Variants in NUDT4 observed in about 807,000 individuals in gnomAD.
The protein encoded by NUDT4 is nudix hydrolase 4, also known as diphosphoinositol polyphosphate phosphohydrolase 2.
In NUDT4, 5 loss-of-function variants were observed where a neutral mutation model predicts 23.1. That is an observed-to-expected ratio of 0.22 (90% CI 0.11 to 0.46). The LOEUF is 0.46. Ranked by LOEUF, NUDT4 falls within the 20% of genes least tolerant of loss-of-function variation. The probability of loss-of-function intolerance (pLI) is 0.99; values close to 1 mark genes in which losing one functional copy is unlikely to be tolerated. For missense variants in NUDT4, 96 were observed against 211.6 expected (o/e 0.45, Z 3.39); for synonymous variants, 50 against 79.0 (o/e 0.63, Z 1.95).
intron 1 of NUDT4, among the ~76,000 whole-genome samples, chr12:93,387,113 G>T (rs1057003950): frequency 6.6e-6 from 1 of 151,870 alleles, no homozygotes; most frequent in Admixed American, 6.6e-5. Flanking sequence ...TATGTTTTTG[G>T]TAGAGATGAG....
intron 1 of NUDT4, among the ~76,000 whole-genome samples, chr12:93,390,366 A>T (rs555900024): frequency 9.8e-5 from 15 of 152,300 alleles, no homozygotes; most frequent in Admixed American, 9.2e-4. Context: ...ATTTTTATTT[A>T]ACTTAAAAAC....
chr12:93,402,399 C>T lies in NUDT4; in HGVS notation c.*3020C>T, dbSNP rs915220913. ...GAAATGTATAAACACCCAGCGGAAA[C>T]GTATACCTTTCAGTGCATAGTGCAT... is the stretch of plus-strand genomic sequence containing the variant. On this transcript the variant is annotated 3_prime_UTR_variant, in exon 5 of 5. Coordinates refer to ENST00000415493, the MANE Select transcript of NUDT4 (RefSeq NM_019094.6). 6.6e-6 allele frequency: 1 copy of T among 152,198 alleles called. No individual in the cohort carries two copies. The highest frequency in any genetic ancestry group is 2.1e-4 in the South Asian group (1 of 4,824). The allele number at this position is 152,198 out of a possible 1,614,324, so 9.4% of individuals were successfully genotyped here.
rs772258463 is a variant in NUDT4 at position 93,399,384 on chromosome 12, A to T, written c.*5A>T. ...TTGCCATCTAGTGTAAGATAGAGAG[A>T]ACTGGGTAGGCCTCTCCCACCATGT... is the stretch of plus-strand genomic sequence containing the variant. On this transcript the variant is annotated 3_prime_UTR_variant, in exon 5 of 5. Transcript: ENST00000415493. 1.3e-5 allele frequency: 9 copies of T among 679,658 alleles called. No homozygotes were observed. In the South Asian group the frequency reaches 1.6e-4, roughly 12 times the overall value. 42.1% of individuals were successfully genotyped at this position (679,658 alleles called of 1,614,324 possible).
At chr12:93,386,977 A>G (rs1399189675) in intron 1 of NUDT4, among the ~76,000 whole-genome samples, 2 of 152,166 alleles carry the variant, frequency 1.3e-5, no homozygotes, top group Non-Finnish European at 2.9e-5. Context: ...TGTGTTGCCC[A>G]GGCTGGAATG....
rs1415992233 is a variant in NUDT4 at position 93,381,039 on chromosome 12, TC to T, written c.99+2619del. On this transcript the variant is annotated intron_variant, in intron 1 of 4. Coordinates refer to ENST00000415493, the MANE Select transcript of NUDT4 (RefSeq NM_019094.6). ...CCTGTACTGAAGTTCTCAGTAAGTT[TC>T]TACTTTAAAACAGATTGTTCTAGGA... 5 of 152,246 alleles carry T rather than the reference TC, an allele frequency of 3.3e-5. No homozygotes were observed. The East Asian group carries it at 9.6e-4, about 29-fold the overall frequency. The allele number at this position is 152,246 out of a possible 1,614,324, so 9.4% of individuals were successfully genotyped here.
chr12:93,378,573 C>T (rs1004027346), intron 1 of NUDT4, 152 bp downstream of exon 1: 1 of 1,301,246 alleles, frequency 7.7e-7, no homozygotes, highest in Non-Finnish European at 9.8e-7. Flanking sequence ...CTCCTTTCCT[C>T]CCTCACTTCT....
intron 3 of NUDT4, among the ~76,000 whole-genome samples, chr12:93,395,918 A>G (rs566084399): frequency 6.6e-6 from 1 of 152,194 alleles, no homozygotes; most frequent in Admixed American, 6.5e-5. Context: ...ATGGGGTTTC[A>G]CCATGTTGGC....
At chr12:93,387,183 C>T (rs1383885248) in intron 1 of NUDT4, among the ~76,000 whole-genome samples, 2 of 152,124 alleles carry the variant, frequency 1.3e-5, no homozygotes, top group Admixed American at 6.5e-5. Context: ...CCTCCTGCCT[C>T]GGCCTCCCAA....
chr12:93,394,530 C>T (rs1187641106), intron 1 of NUDT4, 79 bp from the exon 2 acceptor site: 2 of 783,022 alleles, frequency 2.6e-6, no homozygotes, highest in Non-Finnish European at 4.3e-6. Flanking sequence ...GAGTTATAAC[C>T]TTGCAGAGGT....
chr12:93,399,566 A>T lies in NUDT4; in HGVS notation c.*187A>T. ...TAAAAAAATAGTGTAAAATATTTTA[A>T]TAAGCCAAAGCCATGTGGAATTTTT... On this transcript the variant is annotated 3_prime_UTR_variant, in exon 5 of 5. Transcript: ENST00000415493. 6.1e-6 allele frequency: 2 copies of T among 325,734 alleles called. No individual in the cohort carries two copies. The highest frequency in any genetic ancestry group is 1.1e-5 in the Non-Finnish European group (2 of 183,022). The allele number at this position is 325,734 out of a possible 1,614,324, so 20.2% of individuals were successfully genotyped here. A position where few individuals can be genotyped will look rare whatever the true frequency, so the allele number is the denominator to read the frequency against.
chr12:93,384,721 A>G (rs1327985545), intron 1 of NUDT4, among the ~76,000 whole-genome samples: 8 of 152,174 alleles, frequency 5.3e-5, no homozygotes, highest in South Asian at 2.1e-4. Flanking sequence ...CTTTTATCCA[A>G]TAAGATTTAG....
chr12:93,395,607 G>C, intron 3 of NUDT4, 74 bp downstream of exon 3: 1 of 1,159,456 alleles, frequency 8.6e-7, no homozygotes, highest in Non-Finnish European at 1.3e-6. Context: ...AAATAATGTG[G>C]CAGCAGCCTG....
chr12:93,388,065 C>T (rs1427500639), intron 1 of NUDT4, among the ~76,000 whole-genome samples: 2 of 152,156 alleles, frequency 1.3e-5, no homozygotes, highest in Non-Finnish European at 2.9e-5. Context: ...TCAAATCTGT[C>T]ACCATGACAT....
intron 1 of NUDT4, 66 bp from the exon 2 acceptor site, chr12:93,394,543 G>A (rs1876792220): frequency 1.7e-5 from 15 of 885,358 alleles, no homozygotes; most frequent in Non-Finnish European, 2.7e-5. Flanking sequence ...GCAGAGGTTT[G>A]AGAATGTTGT....
intron 1 of NUDT4, among the ~76,000 whole-genome samples, chr12:93,379,509 C>G (rs1875482219): frequency 6.6e-6 from 1 of 152,226 alleles, no homozygotes; most frequent in Admixed American, 6.5e-5. Flanking sequence ...ACAGAATACA[C>G]TCAGTGGCTT....
chr12:93,384,589 T>G (rs888094559), intron 1 of NUDT4, among the ~76,000 whole-genome samples: 1 of 152,112 alleles, frequency 6.6e-6, no homozygotes, highest in Non-Finnish European at 1.5e-5. Flanking sequence ...CAAAAATATT[T>G]TATAATATTT....
intron 3 of NUDT4, 145 bp downstream of exon 3, chr12:93,395,678 A>G: frequency 3.6e-6 from 2 of 552,948 alleles, no homozygotes; most frequent in Non-Finnish European, 6.5e-6. Flanking sequence ...TAGGGAGGGA[A>G]GTAAAAGCCA....
At chr12:93,385,968 T>TATATATATAC (rs1555193197) in intron 1 of NUDT4, among the ~76,000 whole-genome samples, 8 of 133,614 alleles carry the variant, frequency 6.0e-5, no homozygotes, top group African/African-American at 1.4e-4. Context: ...TATATATATA[T>TATATATATAC]ATACATAATT....
rs1294261537 is a variant in NUDT4, at chr12:93,407,431, T to C, written c.*8052T>C. On this transcript the variant is annotated 3_prime_UTR_variant, in exon 5 of 5. Coordinates refer to ENST00000415493, the MANE Select transcript of NUDT4 (RefSeq NM_019094.6). ...AACATGAAACACTTTTGTTGAATAA[T>C]GTGTTTCCTTTAGCCCAGGGATTAC... 2 of 152,232 alleles carry C rather than the reference T, an allele frequency of 1.3e-5. No individual in the cohort carries two copies. The highest frequency in any genetic ancestry group is 2.4e-5 in the African/African-American group (1 of 41,440). The allele number at this position is 152,232 out of a possible 1,614,324, so 9.4% of individuals were successfully genotyped here.
Sources: gnomAD v4.1 joint callset for allele counts (sites outside exome capture counted in the v4.1 genomes callset) on GRCh38, gnomAD v4.1.1 for gene constraint, MANE v1.5 for transcripts, NCBI Gene and HGNC (gene_info 2026-07-23, HGNC 2026-07-21) for gene names.